Variants in GRM8 observed in about 807,000 individuals in gnomAD.
GRM8 encodes metabotropic glutamate receptor 8.
In GRM8, 47 loss-of-function variants were observed where a neutral mutation model predicts 87.2. The observed-to-expected ratio is 0.54, with a 90% CI of 0.43 to 0.69. The LOEUF is 0.69. Ranked by LOEUF, GRM8 falls within the 30% of genes least tolerant of loss-of-function variation. GRM8 has a pLI of 0.00. For synonymous variants in GRM8, 396 were observed against 404.5 expected (o/e 0.98, Z 0.25); for missense variants, 1,019 against 1,139.2 (o/e 0.89, Z 1.52).
intron 2 of GRM8, among the ~76,000 whole-genome samples, chr7:127,109,792 G>T (rs995912637): frequency 6.6e-6 from 1 of 152,138 alleles, no homozygotes; most frequent in Non-Finnish European, 1.5e-5. Context: ...AACTGCTGCA[G>T]GAAATTTAAT....
intron 6 of GRM8, among the ~76,000 whole-genome samples, chr7:126,855,213 T>G (rs1282845774): frequency 6.6e-6 from 1 of 152,218 alleles, no homozygotes; most frequent in African/African-American, 2.4e-5. Context: ...ATAATAGTTG[T>G]ACCTTAATTC....
chr7:127,139,919 T>C (rs565342580), intron 2 of GRM8, among the ~76,000 whole-genome samples: 3 of 152,218 alleles, frequency 2.0e-5, no homozygotes, highest in African/African-American at 7.2e-5. Flanking sequence ...GTGCCACTCA[T>C]GCTAGAAGCA....
chr7:126,503,266 A>G (rs1394033819), intron 9 of GRM8, among the ~76,000 whole-genome samples: 3 of 152,100 alleles, frequency 2.0e-5, no homozygotes, highest in African/African-American at 7.2e-5. Flanking sequence ...TGGAGAAGGC[A>G]GTCATGCCAG....
intron 2 of GRM8, among the ~76,000 whole-genome samples, chr7:127,217,328 T>G (rs1796618530): frequency 6.6e-6 from 1 of 152,164 alleles, no homozygotes; most frequent in Admixed American, 6.5e-5. Context: ...AAACTGTCCT[T>G]GAAAAGGCAG....
chr7:126,638,418 T>C (rs1442866519), intron 7 of GRM8, among the ~76,000 whole-genome samples: 1 of 151,908 alleles, frequency 6.6e-6, no homozygotes, highest in Non-Finnish European at 1.5e-5. Flanking sequence ...AAAAGAATTA[T>C]TGCTTTGGGA....
intron 7 of GRM8, among the ~76,000 whole-genome samples, chr7:126,672,168 C>T (rs749194239): frequency 1.3e-5 from 2 of 152,188 alleles, no homozygotes; most frequent in African/African-American, 2.4e-5. Flanking sequence ...CTGACAGTAG[C>T]GGAGATAGTG....
chr7:126,587,923 GAAAA>G (rs1335900604), intron 8 of GRM8, among the ~76,000 whole-genome samples: 1 of 146,326 alleles, frequency 6.8e-6, no homozygotes, highest in Non-Finnish European at 1.5e-5. Flanking sequence ...AAAAAAAAAA[GAAAA>G]AGAAAGAACA....
chr7:127,006,717 G>C (rs1053851862), intron 3 of GRM8, among the ~76,000 whole-genome samples: 3 of 151,842 alleles, frequency 2.0e-5, no homozygotes, highest in Non-Finnish European at 4.4e-5. Context: ...AGTTTCCATT[G>C]CTGGATCCTC....
intron 7 of GRM8, among the ~76,000 whole-genome samples, chr7:126,612,321 C>T (rs1277818874): frequency 1.3e-5 from 2 of 152,166 alleles, no homozygotes; most frequent in Non-Finnish European, 2.9e-5. Context: ...CACAATGCCA[C>T]CTATACCTAA....
chr7:127,145,516 C>A (rs1587131005), intron 2 of GRM8, among the ~76,000 whole-genome samples: 1 of 152,116 alleles, frequency 6.6e-6, no homozygotes, highest in Non-Finnish European at 1.5e-5. Flanking sequence ...AACCCAATTC[C>A]ATAACATCAA....
At chr7:127,013,082 T>C (rs1343638152) in intron 3 of GRM8, among the ~76,000 whole-genome samples, 1 of 152,190 alleles carries the variant, frequency 6.6e-6, no homozygotes, top group Non-Finnish European at 1.5e-5. Context: ...TAATGATCCT[T>C]GTGGTTGAAA....
At chr7:126,861,149 A>T (rs1798102486) in intron 6 of GRM8, among the ~76,000 whole-genome samples, 1 of 152,130 alleles carries the variant, frequency 6.6e-6, no homozygotes, top group South Asian at 2.1e-4. Flanking sequence ...TATAATACTG[A>T]AGTTGCTGTG....
At chr7:127,175,381 A>T (rs1018520306) in intron 2 of GRM8, among the ~76,000 whole-genome samples, 10 of 152,184 alleles carry the variant, frequency 6.6e-5, no homozygotes, top group African/African-American at 1.9e-4. Context: ...GAACTGTGGG[A>T]CAATTTCAAA....
intron 7 of GRM8, among the ~76,000 whole-genome samples, chr7:126,629,465 G>A (rs934130368): frequency 6.6e-6 from 1 of 151,964 alleles, no homozygotes; most frequent in South Asian, 2.1e-4. Flanking sequence ...GCATGCCTTT[G>A]TAATAATTTA....
chr7:126,967,958 A>C (rs1365832658), intron 3 of GRM8, among the ~76,000 whole-genome samples: 1 of 152,192 alleles, frequency 6.6e-6, no homozygotes, highest in East Asian at 1.9e-4. Flanking sequence ...GAGCACTAAT[A>C]ATAAATCCCA....
intron 3 of GRM8, among the ~76,000 whole-genome samples, chr7:127,042,651 A>G (rs903589004): frequency 6.6e-6 from 1 of 152,254 alleles, no homozygotes; most frequent in Non-Finnish European, 1.5e-5. Flanking sequence ...ACCTAAAACC[A>G]TAAAAACCCT....
At chr7:127,176,577 C>A (rs1338170601) in intron 2 of GRM8, among the ~76,000 whole-genome samples, 1 of 152,154 alleles carries the variant, frequency 6.6e-6, no homozygotes, top group East Asian at 1.9e-4. Context: ...AACCAAAAAT[C>A]CCAAGAGGAC....
intron 9 of GRM8, among the ~76,000 whole-genome samples, chr7:126,507,323 T>C (rs535354326): frequency 6.6e-6 from 1 of 152,238 alleles, no homozygotes; most frequent in East Asian, 1.9e-4. Flanking sequence ...ACCTCCTTTC[T>C]GGAGATGTCA....
chr7:127,002,351 G>T (rs1460802352), intron 3 of GRM8, among the ~76,000 whole-genome samples: 1 of 151,618 alleles, frequency 6.6e-6, no homozygotes, highest in Non-Finnish European at 1.5e-5. Flanking sequence ...CAAGTTTAAG[G>T]ATAAGCAGAA....
Sources: allele counts gnomAD v4.1 joint callset (sites outside exome capture counted in the v4.1 genomes callset), GRCh38; gene constraint gnomAD v4.1.1; transcripts MANE v1.5; gene names NCBI Gene and HGNC (gene_info 2026-07-23, HGNC 2026-07-21).